Variants in KCTD16 observed in about 807,000 individuals in gnomAD.
The protein encoded by KCTD16 is potassium channel tetramerization domain containing 16.
Under a neutral mutation model 33.2 loss-of-function variants are expected in KCTD16, and 13 were observed. The observed-to-expected ratio is 0.39, with a 90% CI of 0.25 to 0.62. KCTD16 has a LOEUF of 0.62. Among genes scored for constraint, KCTD16 ranks in the 20% least tolerant of loss-of-function variants. The probability of loss-of-function intolerance (pLI) is 0.50; values close to 1 mark genes in which losing one functional copy is unlikely to be tolerated. For synonymous variants in KCTD16, 197 were observed against 195.3 expected (o/e 1.01, Z -0.07); for missense variants, 441 against 525.1 (o/e 0.84, Z 1.57).
chr5:144,255,927 C>T (rs573704323), intron 3 of KCTD16, among the ~76,000 whole-genome samples: 1 of 152,194 alleles, frequency 6.6e-6, no homozygotes, highest in South Asian at 2.1e-4. Context: ...TGAGATTACC[C>T]AACTACTTAA....
chr5:144,181,228 C>T (rs1252820376), intron 2 of KCTD16, among the ~76,000 whole-genome samples: 3 of 152,120 alleles, frequency 2.0e-5, no homozygotes, highest in African/African-American at 7.2e-5. Context: ...CCACCGTGCC[C>T]AGCCTATACT....
chr5:144,180,328 C>A (rs956564587), intron 2 of KCTD16, among the ~76,000 whole-genome samples: 1 of 152,072 alleles, frequency 6.6e-6, no homozygotes, highest in Non-Finnish European at 1.5e-5. Flanking sequence ...TGGATCCATG[C>A]CAACAGGACT....
chr5:144,366,489 G>A (rs1751836540), intron 3 of KCTD16, among the ~76,000 whole-genome samples: 1 of 152,142 alleles, frequency 6.6e-6, no homozygotes, highest in East Asian at 1.9e-4. Flanking sequence ...TTCTAAGATA[G>A]TGAATTGGGA....
At chr5:144,440,365 T>TGGTA (rs1753678130) in intron 3 of KCTD16, among the ~76,000 whole-genome samples, 1 of 152,198 alleles carries the variant, frequency 6.6e-6, no homozygotes, top group Non-Finnish European at 1.5e-5. Context: ...CTGTGTCATA[T>TGGTA]GGTAACTCTT....
intron 3 of KCTD16, among the ~76,000 whole-genome samples, chr5:144,350,684 G>T (rs1751397268): frequency 1.3e-5 from 2 of 152,048 alleles, no homozygotes; most frequent in African/African-American, 4.8e-5. Context: ...GTCCAGAAAA[G>T]AAAACTTTTT....
chr5:144,363,020 C>T (rs751447881), intron 3 of KCTD16, among the ~76,000 whole-genome samples: 7 of 152,156 alleles, frequency 4.6e-5, no homozygotes, highest in Non-Finnish European at 7.3e-5. Context: ...AACTTCTATA[C>T]GGCCTCTCAT....
chr5:144,227,906 G>GT, intron 3 of KCTD16, among the ~76,000 whole-genome samples: 1 of 152,306 alleles, frequency 6.6e-6, no homozygotes, highest in Non-Finnish European at 1.5e-5. Flanking sequence ...GAAGAATGGA[G>GT]TTACTGCTAA....
At chr5:144,334,725 A>C (rs1752439915) in intron 3 of KCTD16, among the ~76,000 whole-genome samples, 1 of 152,180 alleles carries the variant, frequency 6.6e-6, no homozygotes. Context: ...AAATGAGTGC[A>C]GTGAAAGGAA....
At chr5:144,287,248 C>G (rs1343443261) in intron 3 of KCTD16, among the ~76,000 whole-genome samples, 1 of 144,224 alleles carries the variant, frequency 6.9e-6, no homozygotes, top group African/African-American at 2.5e-5. Flanking sequence ...AGGCTCGTGT[C>G]TTCCACAAAC....
At chr5:144,370,834 A>T (rs916219541) in intron 3 of KCTD16, among the ~76,000 whole-genome samples, 7 of 152,128 alleles carry the variant, frequency 4.6e-5, no homozygotes, top group African/African-American at 1.7e-4. Context: ...GAAAATACAG[A>T]GTTGCTTAAA....
chr5:144,457,762 G>A (rs9324959), intron 3 of KCTD16, among the ~76,000 whole-genome samples: 64,631 of 151,986 alleles, frequency 0.43, 14,073 homozygotes, highest in East Asian at 0.68. Flanking sequence ...TTGATGTAAA[G>A]AAACTGGCAA....
intron 3 of KCTD16, among the ~76,000 whole-genome samples, chr5:144,262,653 A>G (rs1184740238): frequency 1.3e-5 from 2 of 152,190 alleles, no homozygotes; most frequent in Non-Finnish European, 2.9e-5. Flanking sequence ...AACACAAAAC[A>G]TTGTCTTAAA....
At chr5:144,362,932 CATA>C (rs1417809886) in intron 3 of KCTD16, among the ~76,000 whole-genome samples, 1 of 152,170 alleles carries the variant, frequency 6.6e-6, no homozygotes, top group African/African-American at 2.4e-5. Context: ...GTGATTGGCA[CATA>C]ATAACAGCTA....
intron 3 of KCTD16, among the ~76,000 whole-genome samples, chr5:144,369,902 T>C (rs1751927584): frequency 6.6e-6 from 1 of 152,178 alleles, no homozygotes; most frequent in Non-Finnish European, 1.5e-5. Context: ...GTATATTAAG[T>C]GCATGATTTC....
chr5:144,194,515 A>T (rs755201842), intron 2 of KCTD16, among the ~76,000 whole-genome samples: 1 of 152,206 alleles, frequency 6.6e-6, no homozygotes, highest in Non-Finnish European at 1.5e-5. Flanking sequence ...GGAGCTAATA[A>T]TTAGAACAGT....
chr5:144,416,459 A>G (rs1753056526), intron 3 of KCTD16, among the ~76,000 whole-genome samples: 1 of 152,172 alleles, frequency 6.6e-6, no homozygotes, highest in Non-Finnish European at 1.5e-5. Context: ...ATTGAATGAG[A>G]CACACCTCGG....
At chr5:144,306,328 C>G (rs1751602803) in intron 3 of KCTD16, among the ~76,000 whole-genome samples, 1 of 152,206 alleles carries the variant, frequency 6.6e-6, no homozygotes, top group Non-Finnish European at 1.5e-5. Context: ...TTTTTGCAAC[C>G]CTGGCTGCTA....
chr5:144,451,386 G>A (rs554999978), intron 3 of KCTD16, among the ~76,000 whole-genome samples: 4 of 152,232 alleles, frequency 2.6e-5, no homozygotes, highest in African/African-American at 7.2e-5. Flanking sequence ...GTCTGTTTGG[G>A]TGTGGTATGG....
chr5:144,345,020 C>T (rs539962972), intron 3 of KCTD16, among the ~76,000 whole-genome samples: 158 of 151,962 alleles, frequency 1.0e-3, no homozygotes, highest in African/African-American at 2.9e-3. Flanking sequence ...GAATACTATG[C>T]AGCCATGAAA....
Sources: gnomAD v4.1 joint callset for allele counts (sites outside exome capture counted in the v4.1 genomes callset) on GRCh38, gnomAD v4.1.1 for gene constraint, MANE v1.5 for transcripts, NCBI Gene and HGNC (gene_info 2026-07-23, HGNC 2026-07-21) for gene names.